KIF5C: variants seen among roughly 807,000 people sequenced by gnomAD.
KIF5C encodes the protein kinesin family member 5C.
KIF5C carries 18 observed loss-of-function variants against 125.2 expected under a neutral mutation model. That is an observed-to-expected ratio of 0.14 (90% CI 0.10 to 0.21). The LOEUF is 0.21. KIF5C is among the 10% of genes least tolerant of loss of function. The pLI, the probability that KIF5C is intolerant of heterozygous loss-of-function variation, is 1.00. For missense variants in KIF5C, 780 were observed against 1,183.8 expected, an observed-to-expected ratio of 0.66 and a Z score of 5.01; for synonymous variants, 405 against 434.0, an observed-to-expected ratio of 0.93 and a Z score of 0.83.
intron 1 of KIF5C, among the ~76,000 whole-genome samples, chr2:148,881,207 T>C (rs1430952221): frequency 3.9e-5 from 6 of 152,142 alleles, no homozygotes; most frequent in Non-Finnish European, 5.9e-5. Context: ...GGCTATCCCC[T>C]GAAAACCCTT....
intron 3 of KIF5C, among the ~76,000 whole-genome samples, chr2:148,934,447 C>G (rs1273785883): frequency 6.6e-6 from 1 of 150,884 alleles, no homozygotes; most frequent in Non-Finnish European, 1.5e-5. Context: ...TGGCATACCC[C>G]CTACATACAC....
intron 3 of KIF5C, among the ~76,000 whole-genome samples, chr2:148,933,689 C>T (rs1202005170): frequency 1.3e-5 from 2 of 151,702 alleles, no homozygotes; most frequent in African/African-American, 4.8e-5. Context: ...CATACATATA[C>T]ACACAGACAC....
intron 12 of KIF5C, among the ~76,000 whole-genome samples, 189 bp downstream of exon 12, chr2:148,973,700 A>T (rs976170435): frequency 6.6e-6 from 1 of 152,200 alleles, no homozygotes; most frequent in African/African-American, 2.4e-5. Context: ...GTTAAAGGGA[A>T]CTTGACTGAA....
At chr2:149,004,784 C>T (rs1408459091) in intron 21 of KIF5C, among the ~76,000 whole-genome samples, 1 of 152,202 alleles carries the variant, frequency 6.6e-6, no homozygotes, top group Non-Finnish European at 1.5e-5. Context: ...AAGGCAACCA[C>T]TGTTTTTATT....
intron 1 of KIF5C, chr2:148,877,182 G>T (rs1285589982): frequency 6.6e-6 from 1 of 152,290 alleles, no homozygotes; most frequent in Admixed American, 6.5e-5. Flanking sequence ...CTCCACGCTA[G>T]AGGAGCCTGG....
chr2:148,898,356 T>G (rs1680746415), intron 1 of KIF5C, among the ~76,000 whole-genome samples: 3 of 152,170 alleles, frequency 2.0e-5, no homozygotes, highest in Non-Finnish European at 4.4e-5. Context: ...CATGAGACAA[T>G]TCTCATTTCC....
chr2:149,020,328 A>G (rs1292824787), intron 25 of KIF5C: 1 of 152,006 alleles, frequency 6.6e-6, no homozygotes, highest in Non-Finnish European at 1.5e-5. Context: ...TAAAGAAAGG[A>G]CCCTTCATTG....
intron 1 of KIF5C, among the ~76,000 whole-genome samples, chr2:148,891,836 T>A (rs1574695794): frequency 1.3e-5 from 2 of 152,238 alleles, no homozygotes; most frequent in East Asian, 3.9e-4. Context: ...TAGCTGGGAT[T>A]ACAGGCATGC....
chr2:148,947,305 C>T (rs1682540821), intron 8 of KIF5C: 1 of 363,470 alleles, frequency 2.8e-6, no homozygotes, highest in Admixed American at 4.5e-5. Flanking sequence ...TTGACTTAGC[C>T]TGTGGCAGAG....
chr2:148,920,979 A>G (rs991757765), intron 1 of KIF5C, among the ~76,000 whole-genome samples: 1 of 152,124 alleles, frequency 6.6e-6, no homozygotes, highest in Non-Finnish European at 1.5e-5. Context: ...CTCCTGAGTG[A>G]GTCCGGCTGT....
At chr2:148,879,698 A>T (rs1351092819) in intron 1 of KIF5C, 1 of 152,212 alleles carries the variant, frequency 6.6e-6, no homozygotes, top group Non-Finnish European at 1.5e-5. Context: ...GGTTCTGCCT[A>T]TTGGTTTTGA....
chr2:148,994,521 C>T lies in KIF5C; in HGVS notation c.2006C>T (p.Ala669Val). The change falls in exon 17 of 26, where the codon GCA (alanine) becomes GTA (valine). Residue 669 changes from alanine to valine, a missense_variant. Around this residue, in one of 2 missense-constraint regions of KIF5C, gnomAD observed 573 missense variants for 742.6 expected, o/e 0.77. Transcript: ENST00000435030. Reference sequence around the variant, plus strand: ...CAGGACTCGCTCAGCGAAGAGCTGGCAAAGCTCCGAGCCCAGGGTAAATAT... The same window carrying T: ...CAGGACTCGCTCAGCGAAGAGCTGGTAAAGCTCCGAGCCCAGGGTAAATAT... ...ESQDSLSEEL[A>V]KLRAQEKMHE... 1 of 1,564,362 alleles carries T rather than the reference C, an allele frequency of 6.4e-7. No individual in the cohort carries two copies. The highest frequency in any genetic ancestry group is 8.7e-7 in the Non-Finnish European group (1 of 1,154,456).
In KIF5C at chr2:149,023,752, T is replaced by A. The variant is rs1682602880; in HGVS notation, c.*682T>A. The A allele has an allele frequency of 1.3e-5, 2 of 152,228 alleles. No individual in the cohort carries two copies. Among genetic ancestry groups the A allele is most frequent in the Non-Finnish European group, 2.9e-5 (2 of 68,028 alleles). 9.4% of individuals were successfully genotyped at this position (152,228 alleles called of 1,614,324 possible). A position where few individuals can be genotyped will look rare whatever the true frequency, so the allele number is the denominator to read the frequency against. On this transcript the variant is annotated 3_prime_UTR_variant, in exon 26 of 26. Coordinates refer to ENST00000435030, the MANE Select transcript of KIF5C (RefSeq NM_004522.3). ...AATACATCTGTGTAAATGCAAAAAG[T>A]CATAAAATTCACCTCCGAGCTGCTT... is the stretch of plus-strand genomic sequence containing the variant.
At chr2:148,995,966 C>T (rs1249907105) in intron 17 of KIF5C, among the ~76,000 whole-genome samples, 3 of 151,958 alleles carry the variant, frequency 2.0e-5, no homozygotes, top group Admixed American at 2.0e-4. Context: ...ACCAGCCTGG[C>T]CAACATGGTG....
rs1478292631 is a variant in KIF5C at position 148,876,544 on chromosome 2, C to A, written c.126+801C>A. On this transcript the variant is annotated intron_variant, in intron 1 of 25. Transcript: ENST00000435030. The surrounding 1 kb of genome is among the most constrained non-coding windows in gnomAD (Gnocchi z 4.7). ...GCTCAGAGCGCAGTAGCCCCCTGTG[C>A]CAAGAGCAGAAGTTACTTCGTGCGG... Among the ~76,000 whole-genome samples, 1 of 152,172 alleles carries A rather than the reference C, an allele frequency of 6.6e-6. No individual in the cohort carries two copies. The highest frequency in any genetic ancestry group is 2.4e-5 in the African/African-American group (1 of 41,456).
intron 1 of KIF5C, among the ~76,000 whole-genome samples, chr2:148,910,746 A>G (rs1002645504): frequency 1.3e-5 from 2 of 152,238 alleles, no homozygotes; most frequent in Non-Finnish European, 2.9e-5. Flanking sequence ...AGGCAGATGG[A>G]TTTGGCAAAG....
At chr2:148,898,156 G>A (rs1433463937) in intron 1 of KIF5C, among the ~76,000 whole-genome samples, 1 of 151,934 alleles carries the variant, frequency 6.6e-6, no homozygotes, top group Admixed American at 6.6e-5. Flanking sequence ...CAAATGTCCT[G>A]TCTAGTCCAC....
In KIF5C at chr2:148,981,343, T is replaced by G; in HGVS notation, c.1363-12T>G. ...TTAGATTCACAAGTTCCATGCCATC[T>G]CATTTCCCCAGCTTTTAGCTTCCAC... On this transcript the variant is annotated splice_polypyrimidine_tract_variant and intron_variant, in intron 13 of 25. Coordinates refer to ENST00000435030, the MANE Select transcript of KIF5C (RefSeq NM_004522.3). 1.9e-6 allele frequency: 3 copies of G among 1,601,108 alleles called. No individual in the cohort carries two copies. The highest frequency in any genetic ancestry group is 2.6e-6 in the Non-Finnish European group (3 of 1,174,112).
intron 25 of KIF5C, among the ~76,000 whole-genome samples, chr2:149,018,648 C>T (rs1179555099): frequency 6.6e-6 from 1 of 152,040 alleles, no homozygotes; most frequent in Non-Finnish European, 1.5e-5. Flanking sequence ...TAGCGAGACT[C>T]TGTCTCAATA....
Sources: allele counts gnomAD v4.1 joint callset (sites outside exome capture counted in the v4.1 genomes callset), GRCh38; gene constraint gnomAD v4.1.1; regional missense constraint gnomAD v4.1.1; non-coding constraint Gnocchi (gnomAD v3.1); transcripts MANE v1.5; gene names NCBI Gene and HGNC (gene_info 2026-07-23, HGNC 2026-07-21).